The following ABITRAM variants were observed in gnomAD, a reference collection of about 807,000 sequenced individuals.
ABITRAM encodes the protein protein Abitram.
In ABITRAM, 19 loss-of-function variants were observed where a neutral mutation model predicts 22.9. The observed-to-expected ratio is 0.83, with a 90% CI of 0.58 to 1.22. The LOEUF (loss-of-function observed/expected upper bound fraction) is 1.22, where lower values mean the gene tolerates loss of function less well. ABITRAM is among the 50% of genes most tolerant of loss of function. The pLI is 0.00. For missense variants in ABITRAM, 215 were observed against 220.2 expected (o/e 0.98, Z 0.15); for synonymous variants, 70 against 73.9 (o/e 0.95, Z 0.27).
In ABITRAM at chr9:108,939,415, T is replaced by G. The variant is rs1467378313; in HGVS notation, c.369T>G (p.Asn123Lys). 2 of 1,611,298 alleles carry G rather than the reference T, an allele frequency of 1.2e-6. No individual in the cohort carries two copies. Among genetic ancestry groups the G allele is most frequent in the African/African-American group, 2.7e-5 (2 of 74,680 alleles). ...TTAGAGGACGTTTGATGGAAGTGAATGAAAACATCCTCCATAAGCCATCTA... is the reference window on the plus strand; with the variant it reads ...TTAGAGGACGTTTGATGGAAGTGAAGGAAAACATCCTCCATAAGCCATCTA... ...SCVRGRLMEV[N>K]ENILHKPSIL... Residue 123 changes from asparagine to lysine, a missense_variant, in exon 5 of 6, where the codon AAT becomes AAG. Coordinates refer to ENST00000322940, the MANE Select transcript of ABITRAM (RefSeq NM_017832.4).
At chr9:108,943,169 T>A, downstream of ABITRAM, 2 of 894,862 alleles carry the variant, frequency 2.2e-6, no homozygotes, top group Non-Finnish European at 1.7e-6. Flanking sequence ...GAAAGAGATA[T>A]GGATTTAGGC....
chr9:108,947,092 G>A (rs1352742519), intron 3 of ABITRAM, among the ~76,000 whole-genome samples: 2 of 150,660 alleles, frequency 1.3e-5, no homozygotes, highest in Non-Finnish European at 3.0e-5. Context: ...CTATATGAGT[G>A]ATAAAGTGAT....
chr9:108,940,752 G>T lies in ABITRAM; in HGVS notation c.*1066G>T. 6.6e-6 allele frequency: 1 copy of T among 151,968 alleles called. No individual in the cohort carries two copies. Among genetic ancestry groups the T allele is most frequent in the Non-Finnish European group, 1.5e-5 (1 of 67,970 alleles). 9.4% of individuals were successfully genotyped at this position (151,968 alleles called of 1,614,324 possible). A position where few individuals can be genotyped will look rare whatever the true frequency, so the allele number is the denominator to read the frequency against. On this transcript the variant is annotated 3_prime_UTR_variant, in exon 6 of 6. Transcript: ENST00000322940. Reference sequence around the variant, plus strand: ...AGTTACTGAGAATATGTCATTCAAAGGCATAGGGGCCTTTGAATGGAACAA... The same window carrying T: ...AGTTACTGAGAATATGTCATTCAAATGCATAGGGGCCTTTGAATGGAACAA...
In ABITRAM at chr9:108,935,624, A is replaced by C; in HGVS notation, c.80-14A>C. The C allele has an allele frequency of 6.2e-7, 1 of 1,605,882 alleles. No homozygotes were observed. The highest frequency in any genetic ancestry group is 8.5e-7 in the Non-Finnish European group (1 of 1,172,564). ...ATTGATTTCAGCCACCAACAGACTC[A>C]TGTATTCTTCTAGATGTCAAAGGAA... is the stretch of plus-strand genomic sequence containing the variant. On this transcript the variant is annotated splice_polypyrimidine_tract_variant and intron_variant, in intron 1 of 5. Transcript: ENST00000322940.
chr9:108,939,654 A>G lies in ABITRAM; in HGVS notation c.514A>G (p.Lys172Glu), dbSNP rs1830232835. 1.3e-5 allele frequency: 21 copies of G among 1,614,106 alleles called. No individual in the cohort carries two copies. The highest frequency in any genetic ancestry group is 1.8e-5 in the Non-Finnish European group (21 of 1,179,980). ...AAAACAATATGAAGAAGTCATGGTGAAACGCATTAATGCCACAACAGCTAC... is the reference window on the plus strand; with the variant it reads ...AAAACAATATGAAGAAGTCATGGTGGAACGCATTAATGCCACAACAGCTAC... ...TQKQYEEVMV[K>E]RINATTATS Residue 172 changes from lysine (K) to glutamate (E), a missense_variant, in exon 6 of 6, where the codon AAA becomes GAA. Lys to Glu is a moderately conservative substitution (Grantham distance 56). Coordinates refer to ENST00000322940, the MANE Select transcript of ABITRAM (RefSeq NM_017832.4).
chr9:108,939,484 T>C (rs1286412232), intron 5 of ABITRAM, 30 bp downstream of exon 5: 2 of 1,606,208 alleles, frequency 1.2e-6, no homozygotes, highest in Non-Finnish European at 1.7e-6. Flanking sequence ...TATGATCTCA[T>C]CCACATACCT....
chr9:108,939,646 T>G lies in ABITRAM; in HGVS notation c.506T>G (p.Val169Gly). The G allele has an allele frequency of 1.2e-6, 2 of 1,614,048 alleles. No individual in the cohort carries two copies. The highest frequency in any genetic ancestry group is 1.7e-6 in the Non-Finnish European group (2 of 1,179,968). The part of the protein sequence containing the change: ...GLLTQKQYEE[V>G]MVKRINATTA... The stretch of plus-strand genomic sequence containing the variant: ...CTGACACAAAAACAATATGAAGAAG[T>G]CATGGTGAAACGCATTAATGCCACA... The change falls in exon 6 of 6, where the codon GTC (valine) becomes GGC (glycine). Residue 169 changes from valine to glycine, a missense_variant. By Grantham distance (109) the Val-to-Gly change is moderately radical (BLOSUM62 -3). Coordinates refer to ENST00000322940, the MANE Select transcript of ABITRAM (RefSeq NM_017832.4).
At chr9:108,938,514 A>G (rs1249261339) in intron 3 of ABITRAM, among the ~76,000 whole-genome samples, 4 of 152,150 alleles carry the variant, frequency 2.6e-5, no homozygotes, top group Non-Finnish European at 1.5e-5. Flanking sequence ...AACAATAACC[A>G]TGCCATGACA....
At chr9:108,943,852 A>G, downstream of ABITRAM, 1 of 1,607,476 alleles carries the variant, frequency 6.2e-7, no homozygotes, top group Non-Finnish European at 8.5e-7. Context: ...ACAGCCCGCA[A>G]CAAAACTCCA....
chr9:108,948,305 A>C, intron 3 of ABITRAM: 1 of 1,408,558 alleles, frequency 7.1e-7, no homozygotes, highest in Non-Finnish European at 9.7e-7. Flanking sequence ...TAATATTAAA[A>C]TTTTAGAGCA....
Position 108,939,877 on chromosome 9 carries a change from C to G in ABITRAM, c.*191C>G. 2 of 604,138 alleles carry G rather than the reference C, an allele frequency of 3.3e-6. No individual in the cohort carries two copies. The highest frequency in any genetic ancestry group is 5.5e-6 in the Non-Finnish European group (2 of 360,580). The allele number at this position is 604,138 out of a possible 1,614,324, so 37.4% of individuals were successfully genotyped here. On this transcript the variant is annotated 3_prime_UTR_variant, in exon 6 of 6. Transcript: ENST00000322940. ...GCCTTGGTTCCCATTTGTCTACAGC[C>G]TGCCAGATCTGGCCTGCCCATGTAC...
intron 2 of ABITRAM, 141 bp from the exon 3 acceptor site, chr9:108,936,167 C>T: frequency 1.2e-6 from 1 of 836,922 alleles, no homozygotes; most frequent in Non-Finnish European, 1.8e-6. Context: ...CAGTTATGCC[C>T]CAATAGTAGC....
intron 3 of ABITRAM, chr9:108,948,295 T>A: frequency 6.6e-7 from 1 of 1,509,288 alleles, no homozygotes. Context: ...ATTGACTTTA[T>A]AATATTAAAA....
intron 3 of ABITRAM, among the ~76,000 whole-genome samples, chr9:108,949,941 T>C (rs1180480289): frequency 2.0e-5 from 3 of 150,156 alleles, no homozygotes; most frequent in East Asian, 3.9e-4. Context: ...TGAGAATTGC[T>C]TGAACTCAGG....
chr9:108,942,879 A>C (rs761781151), downstream of ABITRAM: 10 of 1,611,570 alleles, frequency 6.2e-6, no homozygotes, highest in Non-Finnish European at 8.5e-6. Context: ...ACTCTGAAAA[A>C]AAAATTACAA....
intron 2 of ABITRAM, 161 bp from the exon 3 acceptor site, chr9:108,936,147 C>A (rs1448244183): frequency 7.3e-6 from 5 of 686,738 alleles, no homozygotes; most frequent in Non-Finnish European, 9.4e-6. Context: ...TTATTGTATT[C>A]TCTATTCTAC....
intron 3 of ABITRAM, among the ~76,000 whole-genome samples, chr9:108,937,772 GAGGCC>G (rs925662510): frequency 5.9e-5 from 9 of 151,774 alleles, no homozygotes; most frequent in African/African-American, 2.2e-4. Context: ...AAGATCACTT[GAGGCC>G]AGGAATTTGT....
chr9:108,941,282 G>A (rs1361557137), downstream of ABITRAM, among the ~76,000 whole-genome samples: 4 of 151,984 alleles, frequency 2.6e-5, no homozygotes, highest in Admixed American at 6.6e-5. Flanking sequence ...ACACCTCCAC[G>A]ATGGTGCTAT....
chr9:108,950,740 C>A, exon 4 of ABITRAM: 1 of 1,052,444 alleles, frequency 9.5e-7, no homozygotes, highest in Non-Finnish European at 1.3e-6. Context: ...AACACATTAA[C>A]CCTTTCTTTT....
Sources: allele counts gnomAD v4.1 joint callset (sites outside exome capture counted in the v4.1 genomes callset), GRCh38; gene constraint gnomAD v4.1.1; transcripts MANE v1.5; gene names NCBI Gene and HGNC (gene_info 2026-07-23, HGNC 2026-07-21).